The following FRMD3 variants were observed in gnomAD, a reference collection of about 807,000 sequenced individuals.
The protein encoded by FRMD3 is FERM domain containing 3.
A neutral mutation model predicts 70.2 loss-of-function variants in FRMD3; 33 were observed. The observed-to-expected ratio is 0.47, with a 90% CI of 0.36 to 0.63. The LOEUF is 0.63. Ranked by LOEUF, FRMD3 falls within the 20% of genes least tolerant of loss-of-function variation. The pLI is 0.00. For missense variants in FRMD3, 632 were observed against 711.4 expected (o/e 0.89, Z 1.27); for synonymous variants, 279 against 255.9 (o/e 1.09, Z -0.86).
At chr9:83,508,068 C>G (rs913392684) in intron 1 of FRMD3, among the ~76,000 whole-genome samples, 13 of 152,158 alleles carry the variant, frequency 8.5e-5, no homozygotes, top group Admixed American at 2.6e-4. Context: ...CTCCCATACA[C>G]CAGTGAGAAT....
intron 13 of FRMD3, among the ~76,000 whole-genome samples, chr9:83,266,391 AC>A (rs1833258149): frequency 6.6e-6 from 1 of 152,240 alleles, no homozygotes; most frequent in African/African-American, 2.4e-5. Flanking sequence ...GGTAAAAACC[AC>A]ATTTATACAT....
intron 5 of FRMD3, among the ~76,000 whole-genome samples, chr9:83,342,736 T>TAGATAGATAGA (rs1564025103): frequency 3.4e-5 from 3 of 88,300 alleles, no homozygotes; most frequent in Non-Finnish European, 5.1e-5. Flanking sequence ...AGATAGATAG[T>TAGATAGATAGA]TAGATAGACA....
At chr9:83,326,100 C>G (rs1006737038) in intron 6 of FRMD3, among the ~76,000 whole-genome samples, 1 of 152,086 alleles carries the variant, frequency 6.6e-6, no homozygotes, top group African/African-American at 2.4e-5. Context: ...AACACAGGAA[C>G]GTGAAACCAC....
intron 1 of FRMD3, among the ~76,000 whole-genome samples, chr9:83,527,019 G>T (rs953209839): frequency 6.6e-6 from 1 of 151,972 alleles, no homozygotes; most frequent in Non-Finnish European, 1.5e-5. Flanking sequence ...CAGGGTCATT[G>T]TCCCTCAGAG....
At chr9:83,388,070 A>C (rs1473049172) in intron 2 of FRMD3, among the ~76,000 whole-genome samples, 1 of 152,104 alleles carries the variant, frequency 6.6e-6, no homozygotes, top group African/African-American at 2.4e-5. Flanking sequence ...GGACCATCCA[A>C]AGGTTACTGG....
At chr9:83,432,451 C>G (rs1466069965) in intron 1 of FRMD3, among the ~76,000 whole-genome samples, 1 of 152,128 alleles carries the variant, frequency 6.6e-6, no homozygotes, top group Admixed American at 6.5e-5. Flanking sequence ...TGTGGTGTGG[C>G]CCCCTCCCTC....
upstream of FRMD3, among the ~76,000 whole-genome samples, chr9:83,539,065 C>T (rs1829964818): frequency 6.6e-6 from 1 of 152,200 alleles, no homozygotes; most frequent in South Asian, 2.1e-4. Context: ...AATCTCCCAA[C>T]ATCTTAGTGT....
chr9:83,533,346 C>G (rs144828294), intron 1 of FRMD3, among the ~76,000 whole-genome samples: 1 of 152,122 alleles, frequency 6.6e-6, no homozygotes, highest in Admixed American at 6.5e-5. Flanking sequence ...TGAGATAATA[C>G]GTACACTACC....
At chr9:83,485,411 C>T (rs530337508) in intron 1 of FRMD3, among the ~76,000 whole-genome samples, 1 of 152,172 alleles carries the variant, frequency 6.6e-6, no homozygotes, top group Non-Finnish European at 1.5e-5. Context: ...AACAGTGCAT[C>T]GTTCTTTCCT....
chr9:83,339,461 G>A (rs1367298305), intron 5 of FRMD3, among the ~76,000 whole-genome samples: 3 of 152,200 alleles, frequency 2.0e-5, no homozygotes, highest in African/African-American at 7.2e-5. Flanking sequence ...TTTTCTAAAA[G>A]GATTCAATTC....
chr9:83,436,915 G>A (rs1827152785), intron 1 of FRMD3, among the ~76,000 whole-genome samples: 1 of 152,080 alleles, frequency 6.6e-6, no homozygotes, highest in South Asian at 2.1e-4. Flanking sequence ...GCAAAATGGA[G>A]GCAGTGCCCA....
chr9:83,312,541 A>G (rs1281537978), intron 7 of FRMD3, among the ~76,000 whole-genome samples: 2 of 152,278 alleles, frequency 1.3e-5, no homozygotes, highest in Non-Finnish European at 2.9e-5. Flanking sequence ...AATAAATAAA[A>G]TACAGTTCAA....
At chr9:83,458,492 T>C (rs1302278784) in intron 1 of FRMD3, among the ~76,000 whole-genome samples, 1 of 152,228 alleles carries the variant, frequency 6.6e-6, no homozygotes. Context: ...ACAAGAAATT[T>C]ACTCAGCTCA....
At position 83,246,765 on chromosome 9, in the gene FRMD3, T is replaced by C; in HGVS notation, c.*1153A>G. 1.0e-6 allele frequency: 1 copy of C among 985,308 alleles called. No individual in the cohort carries two copies. The highest frequency in any genetic ancestry group is 1.2e-6 in the Non-Finnish European group (1 of 829,902). The allele number at this position is 985,308 out of a possible 1,614,324, so 61.0% of individuals were successfully genotyped here. A position where few individuals can be genotyped will look rare whatever the true frequency, so the allele number is the denominator to read the frequency against. ...GGCATGAGGGATCAAAATATTTACC[T>C]TAAAGTTTCTCCACTTTTATTTAGA... On this transcript the variant is annotated 3_prime_UTR_variant, in exon 14 of 14. Transcript: ENST00000304195.
At chr9:83,475,636 A>G (rs1035472795) in intron 1 of FRMD3, among the ~76,000 whole-genome samples, 3 of 152,206 alleles carry the variant, frequency 2.0e-5, no homozygotes, top group Non-Finnish European at 2.9e-5. Flanking sequence ...AAAAATTCAT[A>G]GCTAATATTT....
chr9:83,444,373 G>T (rs1827394756), intron 1 of FRMD3, among the ~76,000 whole-genome samples: 1 of 152,246 alleles, frequency 6.6e-6, no homozygotes, highest in South Asian at 2.1e-4. Context: ...GTAATGGCTG[G>T]TGATTATCTC....
At chr9:83,354,694 A>AT (rs1292094058) in intron 3 of FRMD3, among the ~76,000 whole-genome samples, 2 of 152,206 alleles carry the variant, frequency 1.3e-5, no homozygotes, top group Admixed American at 1.3e-4. Context: ...GGACACATTC[A>AT]GTAGGGGTAA....
chr9:83,268,837 G>T (rs866933033), intron 13 of FRMD3, among the ~76,000 whole-genome samples: 2 of 152,154 alleles, frequency 1.3e-5, no homozygotes, highest in Non-Finnish European at 2.9e-5. Context: ...TACTCTCACA[G>T]GAGTTAGTTA....
At chr9:83,450,368 TTTA>T (rs1277663651) in intron 1 of FRMD3, among the ~76,000 whole-genome samples, 53 of 137,186 alleles carry the variant, frequency 3.9e-4, no homozygotes, top group Non-Finnish European at 7.2e-4. Context: ...TTTTTTTTTT[TTTA>T]TTATACTCTA....
Sources: allele counts gnomAD v4.1 joint callset (sites outside exome capture counted in the v4.1 genomes callset), GRCh38; gene constraint gnomAD v4.1.1; transcripts MANE v1.5; gene names NCBI Gene and HGNC (gene_info 2026-07-23, HGNC 2026-07-21).